Variants in PCNX1 observed in about 807,000 individuals in gnomAD.
PCNX1 encodes pecanex 1, also known as pecanex-like protein 1.
PCNX1 carries 78 observed loss-of-function variants against 242.2 expected under a neutral mutation model. The ratio of observed to expected loss-of-function variants is 0.32; its 90% CI spans 0.27 to 0.39. The LOEUF (loss-of-function observed/expected upper bound fraction) is 0.39. Ranked by LOEUF, PCNX1 falls within the 10% of genes least tolerant of loss-of-function variation. PCNX1 has a pLI of 1.00. For missense variants in PCNX1, 2,581 were observed against 2,856.5 expected (o/e 0.90, Z 2.20); for synonymous variants, 1,024 against 1,032.9 (o/e 0.99, Z 0.17).
chr14:71,035,929 CT>C (rs879468046), intron 18 of PCNX1, 135 bp from the exon 19 acceptor site: 7,486 of 459,658 alleles, frequency 0.016, no homozygotes, highest in South Asian at 0.022. Flanking sequence ...ATGAAAACTT[CT>C]TTTTTTTTTT....
chr14:70,965,350 C>G (rs1413164854), intron 3 of PCNX1: 2 of 151,842 alleles, frequency 1.3e-5, no homozygotes, highest in Admixed American at 1.3e-4. Flanking sequence ...TATAAGTAAC[C>G]AAAGATAAAG....
At chr14:70,917,649 G>A (rs2140059047) in intron 1 of PCNX1, among the ~76,000 whole-genome samples, 1 of 152,252 alleles carries the variant, frequency 6.6e-6, no homozygotes, top group South Asian at 2.1e-4. Flanking sequence ...TAGAACACAG[G>A]CAGAATAAAT....
chr14:70,949,977 A>G (rs2057712744), intron 2 of PCNX1, among the ~76,000 whole-genome samples: 1 of 152,222 alleles, frequency 6.6e-6, no homozygotes, highest in African/African-American at 2.4e-5. Flanking sequence ...ACTGAGCATA[A>G]TATGAAATAT....
Position 71,115,002 on chromosome 14 carries a change from A to AAAGT in PCNX1, c.*5070_*5073dup, listed in dbSNP as rs2062830432. ...TTTTTAAAAGCTTATAGTTTAAGTAAAAGTAAAATGTAAAAACTGATTAAA... is the reference window on the plus strand; with the variant it reads ...TTTTTAAAAGCTTATAGTTTAAGTAAAAGTAAGTAAAATGTAAAAACTGATTAAA... On this transcript the variant is annotated 3_prime_UTR_variant, in exon 36 of 36. Coordinates refer to ENST00000304743, the MANE Select transcript of PCNX1 (RefSeq NM_014982.3). 6.6e-6 allele frequency: 1 copy of AAAGT among 152,082 alleles called. No homozygotes were observed. Among genetic ancestry groups the AAAGT allele is most frequent in the Non-Finnish European group, 1.5e-5 (1 of 67,956 alleles). 9.4% of individuals were successfully genotyped at this position (152,082 alleles called of 1,614,324 possible). A position where few individuals can be genotyped will look rare whatever the true frequency, so the allele number is the denominator to read the frequency against.
At chr14:70,919,122 G>T (rs2056267988) in intron 1 of PCNX1, among the ~76,000 whole-genome samples, 1 of 151,930 alleles carries the variant, frequency 6.6e-6, no homozygotes, top group Admixed American at 6.6e-5. Context: ...GGCCTCAAAT[G>T]ATCATTCTGC....
At chr14:71,072,969 A>C (rs2061621330) in intron 26 of PCNX1, among the ~76,000 whole-genome samples, 1 of 152,218 alleles carries the variant, frequency 6.6e-6, no homozygotes, top group South Asian at 2.1e-4. Context: ...AACATTTAGA[A>C]ATCAGTAAGT....
chr14:71,047,757 C>T (rs1255439012), intron 21 of PCNX1, 50 bp from the exon 22 acceptor site: 5 of 1,447,542 alleles, frequency 3.5e-6, no homozygotes, highest in Non-Finnish European at 4.8e-6. Flanking sequence ...GTTACTGTCT[C>T]TTCTAATGTT....
intron 30 of PCNX1, among the ~76,000 whole-genome samples, chr14:71,096,912 G>T (rs112715193): frequency 6.6e-6 from 1 of 152,166 alleles, no homozygotes; most frequent in African/African-American, 2.4e-5. Context: ...AGAAGAAGCT[G>T]TGGAGTTAGC....
At chr14:70,952,010 A>C (rs1364496482) in intron 2 of PCNX1, among the ~76,000 whole-genome samples, 1 of 152,190 alleles carries the variant, frequency 6.6e-6, no homozygotes, top group Non-Finnish European at 1.5e-5. Context: ...CTTCACACTC[A>C]GTCAGTCAAG....
chr14:71,113,208 TCTTTGA>T lies in PCNX1; in HGVS notation c.*3279_*3284del, dbSNP rs2062786995. 6.6e-6 allele frequency: 1 copy of T among 152,202 alleles called. No individual in the cohort carries two copies. 9.4% of individuals were successfully genotyped at this position (152,202 alleles called of 1,614,324 possible). On this transcript the variant is annotated 3_prime_UTR_variant, in exon 36 of 36. Transcript: ENST00000304743. ...AACAAACTTAACCAGTGTTCTGCCT[TCTTTGA>T]CTTTGTTACTGGAGGATGATAATCT...
chr14:70,984,973 A>C (rs767998974), intron 6 of PCNX1, among the ~76,000 whole-genome samples: 5 of 151,942 alleles, frequency 3.3e-5, no homozygotes, highest in Non-Finnish European at 7.4e-5. Context: ...CATTGAGATA[A>C]ATGTGAAGTA....
intron 6 of PCNX1, among the ~76,000 whole-genome samples, chr14:70,984,219 G>A (rs1341116184): frequency 2.7e-5 from 4 of 150,868 alleles, no homozygotes; most frequent in Admixed American, 2.6e-4. Context: ...TTCCCCCCAC[G>A]ATAAACATTT....
intron 6 of PCNX1, among the ~76,000 whole-genome samples, chr14:70,985,020 T>G (rs2058957421): frequency 6.6e-6 from 1 of 152,228 alleles, no homozygotes; most frequent in South Asian, 2.1e-4. Context: ...TGGATTAAAC[T>G]TCCTTTGTTA....
chr14:70,911,831 C>A (rs1351735663), intron 1 of PCNX1, among the ~76,000 whole-genome samples: 1 of 152,146 alleles, frequency 6.6e-6, no homozygotes, highest in Non-Finnish European at 1.5e-5. Flanking sequence ...CTCTATAATG[C>A]TGTATGACTG....
At chr14:71,051,428 A>T (rs1329846402) in intron 23 of PCNX1, among the ~76,000 whole-genome samples, 1 of 152,104 alleles carries the variant, frequency 6.6e-6, no homozygotes, top group Non-Finnish European at 1.5e-5. Flanking sequence ...ACATTTTTTC[A>T]TAATATGATT....
chr14:70,937,303 T>C (rs1037471865), intron 1 of PCNX1, among the ~76,000 whole-genome samples: 3 of 152,204 alleles, frequency 2.0e-5, no homozygotes, highest in East Asian at 3.8e-4. Flanking sequence ...CTTGAATTAA[T>C]TTTTGTATAA....
chr14:70,997,691 G>A (rs2140357732), intron 8 of PCNX1, among the ~76,000 whole-genome samples: 1 of 152,222 alleles, frequency 6.6e-6, no homozygotes, highest in Admixed American at 6.5e-5. Context: ...TGAATACTTA[G>A]TAATAATTAG....
chr14:71,030,784 A>G (rs189078283), intron 16 of PCNX1, among the ~76,000 whole-genome samples: 1 of 152,272 alleles, frequency 6.6e-6, no homozygotes, highest in East Asian at 1.9e-4. Flanking sequence ...CTCAAAGCCA[A>G]ATTCCCTGCT....
chr14:71,104,476 C>T (rs962404149), intron 32 of PCNX1, among the ~76,000 whole-genome samples: 3 of 151,978 alleles, frequency 2.0e-5, no homozygotes, highest in Admixed American at 2.0e-4. Flanking sequence ...ATAGAGTGCC[C>T]AATTGTCCTC....
Sources: allele counts gnomAD v4.1 joint callset (sites outside exome capture counted in the v4.1 genomes callset), GRCh38; gene constraint gnomAD v4.1.1; transcripts MANE v1.5; gene names NCBI Gene and HGNC (gene_info 2026-07-23, HGNC 2026-07-21).